Variants in CNTNAP2 observed in about 807,000 individuals in gnomAD.
CNTNAP2 encodes the protein contactin associated protein 2.
A neutral mutation model predicts 155.2 loss-of-function variants in CNTNAP2; 98 were observed. That is an observed-to-expected ratio of 0.63 (90% CI 0.54 to 0.75). The LOEUF (loss-of-function observed/expected upper bound fraction) is 0.75. Among genes scored for constraint, CNTNAP2 ranks in the 30% least tolerant of loss-of-function variants. CNTNAP2 has a pLI of 0.00. For synonymous variants in CNTNAP2, 651 were observed against 631.2 expected (o/e 1.03, Z -0.47); for missense variants, 1,727 against 1,688.1 (o/e 1.02, Z -0.40).
At chr7:147,066,535 G>A (rs1475417024) in intron 4 of CNTNAP2, among the ~76,000 whole-genome samples, 1 of 152,194 alleles carries the variant, frequency 6.6e-6, no homozygotes, top group Non-Finnish European at 1.5e-5. Flanking sequence ...TTCTATTTAA[G>A]CCTTACAGGA....
intron 3 of CNTNAP2, among the ~76,000 whole-genome samples, chr7:146,910,320 G>A (rs970218021): frequency 6.7e-6 from 1 of 149,940 alleles, no homozygotes; most frequent in African/African-American, 2.5e-5. Context: ...AGTTCATATG[G>A]TACCAAAAAA....
At chr7:148,043,623 C>G (rs1355341425) in intron 15 of CNTNAP2, among the ~76,000 whole-genome samples, 4 of 152,180 alleles carry the variant, frequency 2.6e-5, no homozygotes, top group Non-Finnish European at 5.9e-5. Flanking sequence ...CTATTTCTCT[C>G]CCTATATTTC....
chr7:148,350,461 G>A (rs150439298), intron 21 of CNTNAP2, among the ~76,000 whole-genome samples: 3 of 152,326 alleles, frequency 2.0e-5, no homozygotes, highest in Non-Finnish European at 4.4e-5. Context: ...GAGGTCATGC[G>A]TAGTAAACAA....
intron 13 of CNTNAP2, among the ~76,000 whole-genome samples, chr7:147,665,708 G>A (rs1795682221): frequency 6.6e-6 from 1 of 152,160 alleles, no homozygotes; most frequent in African/African-American, 2.4e-5. Context: ...ACTTATAAGT[G>A]AGAACATGCA....
chr7:147,952,760 CT>C (rs1800957850), intron 14 of CNTNAP2, among the ~76,000 whole-genome samples: 2 of 152,062 alleles, frequency 1.3e-5, no homozygotes. Context: ...TGAAATAATA[CT>C]TATTTACACT....
intron 12 of CNTNAP2, among the ~76,000 whole-genome samples, chr7:147,578,789 C>T: frequency 6.6e-6 from 1 of 151,986 alleles, no homozygotes; most frequent in Admixed American, 6.6e-5. Flanking sequence ...TTTATTTAAA[C>T]ACTTTAAAAC....
At chr7:147,189,192 A>C (rs1802629622) in intron 8 of CNTNAP2, among the ~76,000 whole-genome samples, 1 of 152,190 alleles carries the variant, frequency 6.6e-6, no homozygotes, top group South Asian at 2.1e-4. Context: ...AAGAATTAGA[A>C]AATCTAAAGG....
At chr7:148,076,657 G>A (rs112604243) in intron 15 of CNTNAP2, among the ~76,000 whole-genome samples, 2,242 of 151,620 alleles carry the variant, frequency 0.015, 64 homozygotes, top group African/African-American at 0.051. Context: ...GGATGGTCTC[G>A]ATCTCCTGAC....
At chr7:147,523,520 A>G (rs952571757) in intron 11 of CNTNAP2, among the ~76,000 whole-genome samples, 1 of 152,158 alleles carries the variant, frequency 6.6e-6, no homozygotes, top group South Asian at 2.1e-4. Context: ...GCTTTCCTAC[A>G]TATCCTTCTT....
chr7:146,691,239 TTTCTC>T (rs1800692948), intron 1 of CNTNAP2, among the ~76,000 whole-genome samples: 1 of 152,138 alleles, frequency 6.6e-6, no homozygotes, highest in Non-Finnish European at 1.5e-5. Context: ...ATCTGTTTCT[TTTCTC>T]TAAGCAATAT....
chr7:147,929,579 T>C (rs1247801569), intron 14 of CNTNAP2, among the ~76,000 whole-genome samples: 2 of 152,220 alleles, frequency 1.3e-5, no homozygotes, highest in Non-Finnish European at 2.9e-5. Context: ...ACTAATCCAT[T>C]ATCTACTAAC....
intron 13 of CNTNAP2, among the ~76,000 whole-genome samples, chr7:147,805,608 T>C (rs1349815381): frequency 1.3e-5 from 2 of 152,200 alleles, no homozygotes; most frequent in Non-Finnish European, 2.9e-5. Flanking sequence ...TTTTGTACCC[T>C]ATTGGTTGAG....
chr7:147,177,511 G>A (rs1025013327), intron 8 of CNTNAP2, among the ~76,000 whole-genome samples: 3 of 152,022 alleles, frequency 2.0e-5, no homozygotes, highest in Admixed American at 1.3e-4. Flanking sequence ...TAAATTACCC[G>A]TTCTCAGGTA....
At chr7:147,565,311 G>A (rs1800149201) in intron 12 of CNTNAP2, among the ~76,000 whole-genome samples, 1 of 152,158 alleles carries the variant, frequency 6.6e-6, no homozygotes, top group Non-Finnish European at 1.5e-5. Flanking sequence ...GCAGGGGAAA[G>A]GTGGGTGGGG....
In CNTNAP2 at chr7:146,405,848, G is replaced by A. The variant is rs1795783534; in HGVS notation, c.97+288875G>A. On this transcript the variant is annotated intron_variant, in intron 1 of 23. Coordinates refer to ENST00000361727, the MANE Select transcript of CNTNAP2 (RefSeq NM_014141.6). Reference sequence around the variant, plus strand: ...AAGTTTAACCTTTTTAGGACAGAATGGGGCCAGTACAATCAGACTTATGTA... The same window carrying A: ...AAGTTTAACCTTTTTAGGACAGAATAGGGCCAGTACAATCAGACTTATGTA... 2.0e-5 allele frequency among the ~76,000 whole-genome samples: 3 copies of A among 152,294 alleles called. No homozygotes were observed. In the South Asian group the frequency reaches 6.2e-4, roughly 32 times the overall value.
chr7:146,935,621 G>C (rs535083445), intron 3 of CNTNAP2, among the ~76,000 whole-genome samples: 1 of 152,144 alleles, frequency 6.6e-6, no homozygotes, highest in Admixed American at 6.5e-5. Flanking sequence ...TACTTTAAAG[G>C]CTATAATTAC....
At position 146,326,515 on chromosome 7, in the gene CNTNAP2, TG is replaced by T. The variant is rs572312185; in HGVS notation, c.97+209543del. Among the ~76,000 whole-genome samples, 326 of 152,314 alleles carry T rather than the reference TG, an allele frequency of 2.1e-3. 2 individuals are homozygous for T. The highest frequency in any genetic ancestry group is 7.3e-3 in the African/African-American group (304 of 41,580). ...GCCCTCAATCCATGTAGGACAAGAC[TG>T]TCGTATACTTCTTGGTACTATTCCT... On this transcript the variant is annotated intron_variant, in intron 1 of 23. Transcript: ENST00000361727.
chr7:147,924,683 G>A (rs1800352994), intron 14 of CNTNAP2, among the ~76,000 whole-genome samples: 1 of 152,122 alleles, frequency 6.6e-6, no homozygotes, highest in African/African-American at 2.4e-5. Flanking sequence ...AAGTAAGCCG[G>A]GAAGATGGAA....
chr7:146,734,994 G>C (rs1388805472), intron 1 of CNTNAP2, among the ~76,000 whole-genome samples: 1 of 152,076 alleles, frequency 6.6e-6, no homozygotes, highest in Admixed American at 6.6e-5. Flanking sequence ...AAGAAATCCA[G>C]ATGTTTAACC....
Sources: gnomAD v4.1 joint callset for allele counts (sites outside exome capture counted in the v4.1 genomes callset) on GRCh38, gnomAD v4.1.1 for gene constraint, MANE v1.5 for transcripts, NCBI Gene and HGNC (gene_info 2026-07-23, HGNC 2026-07-21) for gene names.